Variants in PAIP2B observed in about 807,000 individuals in gnomAD.
PAIP2B encodes polyadenylate-binding protein-interacting protein 2B.
A neutral mutation model predicts 17.0 loss-of-function variants in PAIP2B; 13 were observed. That is an observed-to-expected ratio of 0.76 (90% CI 0.50 to 1.22). PAIP2B has a LOEUF of 1.22. Ranked by LOEUF, PAIP2B falls within the 50% of genes most tolerant of loss-of-function variation. PAIP2B has a pLI of 0.00. For synonymous variants in PAIP2B, 43 were observed against 48.7 expected, an observed-to-expected ratio of 0.88 and a Z score of 0.48; for missense variants, 117 against 144.5, an observed-to-expected ratio of 0.81 and a Z score of 0.98.
intron 2 of PAIP2B, among the ~76,000 whole-genome samples, chr2:71,191,426 CT>C (rs1193828703): frequency 6.6e-6 from 1 of 152,204 alleles, no homozygotes; most frequent in African/African-American, 2.4e-5. Flanking sequence ...AAATTTACCC[CT>C]GTTCACTGGC....
At chr2:71,222,257 T>G (rs566514412) in intron 1 of PAIP2B, among the ~76,000 whole-genome samples, 1 of 152,252 alleles carries the variant, frequency 6.6e-6, no homozygotes, top group Non-Finnish European at 1.5e-5. Context: ...CTGTAGCATA[T>G]CTGTGTGACT....
chr2:71,190,021 C>A lies in PAIP2B; in HGVS notation c.139G>T (p.Val47Leu), dbSNP rs772145366. ...TCTTGCTCCTGCAGTTCCTCCTCCA[C>A]CTAGCAAGCAAAGGGGAGCAGCTCA... ...MENEEDFNRQ[V>L]EEELQEQDFL... Residue 47 changes from valine to leucine, a missense_variant and splice_region_variant, in exon 3 of 4, where the codon GTG becomes TTG. By Grantham distance (32) the Val-to-Leu change is conservative. Transcript: ENST00000244221. 1 of 1,609,400 alleles carries A rather than the reference C, an allele frequency of 6.2e-7. No homozygotes were observed. The highest frequency in any genetic ancestry group is 1.1e-5 in the South Asian group (1 of 89,666).
intron 2 of PAIP2B, among the ~76,000 whole-genome samples, chr2:71,193,752 G>A (rs1275411301): frequency 1.3e-5 from 2 of 152,140 alleles, no homozygotes; most frequent in African/African-American, 4.8e-5. Context: ...TACTCTGGAG[G>A]CTGAGGCAGG....
chr2:71,209,026 C>T (rs373063619), intron 1 of PAIP2B, among the ~76,000 whole-genome samples: 1 of 152,128 alleles, frequency 6.6e-6, no homozygotes, highest in Non-Finnish European at 1.5e-5. Flanking sequence ...GGAATGAATC[C>T]AATTCCAGTA....
intron 1 of PAIP2B, among the ~76,000 whole-genome samples, chr2:71,217,349 G>C (rs1675454965): frequency 6.6e-6 from 1 of 152,112 alleles, no homozygotes; most frequent in South Asian, 2.1e-4. Flanking sequence ...CACCATGTTG[G>C]TCAGGCTGGT....
chr2:71,205,670 G>A (rs1423836655), intron 1 of PAIP2B, among the ~76,000 whole-genome samples: 6 of 152,066 alleles, frequency 3.9e-5, no homozygotes, highest in African/African-American at 9.7e-5. Flanking sequence ...CCCAGCTCAC[G>A]GTCCATGCTT....
chr2:71,193,885 A>G (rs767929680), intron 2 of PAIP2B, among the ~76,000 whole-genome samples: 1 of 152,030 alleles, frequency 6.6e-6, no homozygotes, highest in Non-Finnish European at 1.5e-5. Context: ...ATCCATCTTG[A>G]GTTTATTTTT....
intron 1 of PAIP2B, among the ~76,000 whole-genome samples, chr2:71,219,718 C>T (rs572137940): frequency 9.4e-5 from 14 of 149,544 alleles, no homozygotes; most frequent in Admixed American, 4.6e-4. Context: ...GGGTAATGTG[C>T]GCAAATACAT....
At chr2:71,219,359 C>T (rs1363663110) in intron 1 of PAIP2B, among the ~76,000 whole-genome samples, 1 of 151,852 alleles carries the variant, frequency 6.6e-6, no homozygotes, top group Non-Finnish European at 1.5e-5. Context: ...CATGTATGTA[C>T]CCCATGTAGG....
At chr2:71,212,770 T>C (rs774093738) in intron 1 of PAIP2B, among the ~76,000 whole-genome samples, 1 of 151,758 alleles carries the variant, frequency 6.6e-6, no homozygotes, top group Non-Finnish European at 1.5e-5. Flanking sequence ...TTAATTTTTA[T>C]AGAGACAGGG....
chr2:71,197,727 G>A (rs192179607), intron 2 of PAIP2B, among the ~76,000 whole-genome samples: 2 of 152,234 alleles, frequency 1.3e-5, no homozygotes, highest in Non-Finnish European at 2.9e-5. Flanking sequence ...AAGGTAAAAG[G>A]TAAGGAGGAG....
chr2:71,212,925 T>TA (rs909490233), intron 1 of PAIP2B, among the ~76,000 whole-genome samples: 1 of 144,486 alleles, frequency 6.9e-6, no homozygotes, highest in Non-Finnish European at 1.5e-5. Context: ...GGCTAAATTT[T>TA]TTTTTTTTTT....
chr2:71,218,278 T>G (rs1466055954), intron 1 of PAIP2B, among the ~76,000 whole-genome samples: 1 of 151,580 alleles, frequency 6.6e-6, no homozygotes, highest in Non-Finnish European at 1.5e-5. Flanking sequence ...TATAAAGAAA[T>G]CTTTAAAATT....
chr2:71,186,639 G>A lies in PAIP2B; in HGVS notation c.*1840C>T, dbSNP rs1674549066. 6.6e-6 allele frequency: 1 copy of A among 152,216 alleles called. No homozygotes were observed. The highest frequency in any genetic ancestry group is 2.4e-5 in the African/African-American group (1 of 41,456). 9.4% of individuals were successfully genotyped at this position (152,216 alleles called of 1,614,324 possible). A position where few individuals can be genotyped will look rare whatever the true frequency, so the allele number is the denominator to read the frequency against. ...CACTTGCAATGCCCTTTCCCTTTTA[G>A]AGGAAACAACCCAGCTGAAAGCTGA... On this transcript the variant is annotated 3_prime_UTR_variant, in exon 4 of 4. Transcript: ENST00000244221.
At chr2:71,223,851 G>A (rs1675653531) in intron 1 of PAIP2B, among the ~76,000 whole-genome samples, 1 of 152,228 alleles carries the variant, frequency 6.6e-6, no homozygotes, top group Non-Finnish European at 1.5e-5. Flanking sequence ...ATAAGCTAAA[G>A]AAATAGTCCA....
chr2:71,195,349 C>A (rs1167619576), intron 2 of PAIP2B, among the ~76,000 whole-genome samples: 1 of 152,134 alleles, frequency 6.6e-6, no homozygotes, highest in Non-Finnish European at 1.5e-5. Flanking sequence ...TCCATCATGT[C>A]CTGGGCTTTT....
chr2:71,211,511 CT>C (rs1252196315), intron 1 of PAIP2B, among the ~76,000 whole-genome samples: 2 of 151,454 alleles, frequency 1.3e-5, no homozygotes, highest in African/African-American at 4.9e-5. Flanking sequence ...CAACCTCTAC[CT>C]GGAATAGTCC....
chr2:71,215,381 G>A (rs866125453), intron 1 of PAIP2B, among the ~76,000 whole-genome samples: 5 of 152,278 alleles, frequency 3.3e-5, no homozygotes, highest in Middle Eastern at 6.8e-3. Context: ...TGGTCTAAAG[G>A]TGAGGCGCAA....
At chr2:71,196,212 T>C (rs1674814247) in intron 2 of PAIP2B, among the ~76,000 whole-genome samples, 1 of 152,212 alleles carries the variant, frequency 6.6e-6, no homozygotes, top group African/African-American at 2.4e-5. Flanking sequence ...TCTGGTATGT[T>C]GTATCTTTGT....
Sources: allele counts gnomAD v4.1 joint callset (sites outside exome capture counted in the v4.1 genomes callset), GRCh38; gene constraint gnomAD v4.1.1; transcripts MANE v1.5; gene names NCBI Gene and HGNC (gene_info 2026-07-23, HGNC 2026-07-21).